Variants in STC2 observed in about 807,000 individuals in gnomAD.
The protein encoded by STC2 is stanniocalcin 2.
STC2 carries 7 observed loss-of-function variants against 22.7 expected under a neutral mutation model. The ratio of observed to expected loss-of-function variants is 0.31; its 90% CI spans 0.18 to 0.58. The LOEUF is 0.58. Among genes scored for constraint, STC2 ranks in the 20% least tolerant of loss-of-function variants. The pLI is 0.89. For missense variants in STC2, 336 were observed against 406.2 expected (o/e 0.83, Z 1.48); for synonymous variants, 158 against 163.4 (o/e 0.97, Z 0.25).
At chr5:173,322,163 A>T (rs1297937825) in intron 3 of STC2, among the ~76,000 whole-genome samples, 1 of 152,240 alleles carries the variant, frequency 6.6e-6, no homozygotes, top group Non-Finnish European at 1.5e-5. Flanking sequence ...TCATAAAATT[A>T]TACCGATTTG....
Position 173,328,184 on chromosome 5 carries a change from C to G in STC2, c.10G>C (p.Glu4Gln), listed in dbSNP as rs200255935. 4.5e-5 allele frequency: 69 copies of G among 1,546,398 alleles called. No homozygotes were observed. In the East Asian group the frequency reaches 1.6e-3, roughly 36 times the overall value. The change falls in exon 1 of 4, where the codon GAG becomes CAG. Residue 4 changes from glutamate to glutamine, a missense_variant. This residue lies in a region of STC2 where 99 missense variants were observed against 122.7 expected (regional missense o/e 0.81). Coordinates refer to ENST00000265087, the MANE Select transcript of STC2 (RefSeq NM_003714.3). MCA[E>Q]RLGQFMTLAL... ...AGGGTCATGAACTGGCCCAGCCGCT[C>G]GGCACACATGGTTCTTGGTATTAAC... is the stretch of plus-strand genomic sequence containing the variant.
rs891055424 is a variant in STC2 at position 173,315,788 on chromosome 5, C to G, written c.*2059G>C. 3 of 152,272 alleles carry G rather than the reference C, an allele frequency of 2.0e-5. No individual in the cohort carries two copies. The highest frequency in any genetic ancestry group is 2.1e-4 in the South Asian group (1 of 4,836). The allele number at this position is 152,272 out of a possible 1,614,324, so 9.4% of individuals were successfully genotyped here. A position where few individuals can be genotyped will look rare whatever the true frequency, so the allele number is the denominator to read the frequency against. On this transcript the variant is annotated 3_prime_UTR_variant, in exon 4 of 4. Coordinates refer to ENST00000265087, the MANE Select transcript of STC2 (RefSeq NM_003714.3). ...AGCCTGACACACAGGTCCTCCTCCC[C>G]CCAAGGGCAGAGCTGGATTAAGTGC...
In STC2 at chr5:173,318,064, C is replaced by T; in HGVS notation, c.692G>A (p.Arg231Lys). 1 of 1,609,436 alleles carries T rather than the reference C, an allele frequency of 6.2e-7. No individual in the cohort carries two copies. Among genetic ancestry groups the T allele is most frequent in the Non-Finnish European group, 8.5e-7 (1 of 1,177,972 alleles). ...GTGGTGGGCCCTGGAGAGCTTGGTT[C>T]TGTCCACCTGGGGCTGGCGCTCGGG... ...APPERQPQVD[R>K]TKLSRAHHGE... Residue 231 changes from arginine (R) to lysine (K), a missense_variant, in exon 4 of 4, where the codon AGA becomes AAA. Arg to Lys is a conservative substitution (Grantham distance 26, BLOSUM62 2). Transcript: ENST00000265087.
chr5:173,317,826 T>A lies in STC2; in HGVS notation c.*21A>T. ...AAAATGGACGGCGTGGAGGAAAGAT[T>A]TCGTGGCCAGGCCTTTCATTTCACC... is the stretch of plus-strand genomic sequence containing the variant. On this transcript the variant is annotated 3_prime_UTR_variant, in exon 4 of 4. Coordinates refer to ENST00000265087, the MANE Select transcript of STC2 (RefSeq NM_003714.3). 1 of 1,530,164 alleles carries A rather than the reference T, an allele frequency of 6.5e-7. No homozygotes were observed. The highest frequency in any genetic ancestry group is 8.8e-7 in the Non-Finnish European group (1 of 1,135,468). 94.8% of individuals were successfully genotyped at this position (1,530,164 alleles called of 1,614,324 possible).
rs1255019933 is a variant in STC2, at chr5:173,317,661, A to AC, written c.*185dup. The stretch of plus-strand genomic sequence containing the variant: ...GCAGAATTCACCAGGCACCCCTGAG[A>AC]CCCCACGGCCCCAGGGGTCTCCATC... On this transcript the variant is annotated 3_prime_UTR_variant, in exon 4 of 4. Transcript: ENST00000265087. The AC allele has an allele frequency of 3.0e-6, 2 of 655,910 alleles. No individual in the cohort carries two copies. The highest frequency in any genetic ancestry group is 5.9e-5 in the East Asian group (2 of 33,746). The allele number at this position is 655,910 out of a possible 1,614,324, so 40.6% of individuals were successfully genotyped here. A position where few individuals can be genotyped will look rare whatever the true frequency, so the allele number is the denominator to read the frequency against.
At position 173,315,405 on chromosome 5, in the gene STC2, G is replaced by C. The variant is rs1487269772; in HGVS notation, c.*2442C>G. 6.6e-6 allele frequency: 1 copy of C among 152,174 alleles called. No individual in the cohort carries two copies. Among genetic ancestry groups the C allele is most frequent in the Non-Finnish European group, 1.5e-5 (1 of 68,038 alleles). 9.4% of individuals were successfully genotyped at this position (152,174 alleles called of 1,614,324 possible). A position where few individuals can be genotyped will look rare whatever the true frequency, so the allele number is the denominator to read the frequency against. On this transcript the variant is annotated 3_prime_UTR_variant, in exon 4 of 4. Transcript: ENST00000265087. ...CGACTTCTGAGGAGAAAACAAAGCA[G>C]TGGCATGAAAAATATACAACAGAGA...
Position 173,316,038 on chromosome 5 carries a change from T to C in STC2, c.*1809A>G, listed in dbSNP as rs764251803. ...CAGGAACAAGTCATTTTAGAGCAGA[T>C]ACGCTTGGTTTCTTGGTGTCTGGCC... is the stretch of plus-strand genomic sequence containing the variant. On this transcript the variant is annotated 3_prime_UTR_variant, in exon 4 of 4. Transcript: ENST00000265087. 4.6e-5 allele frequency: 7 copies of C among 152,298 alleles called. No homozygotes were observed. Among genetic ancestry groups the C allele is most frequent in the African/African-American group, 7.2e-5 (3 of 41,460 alleles). The allele number at this position is 152,298 out of a possible 1,614,324, so 9.4% of individuals were successfully genotyped here.
intron 3 of STC2, among the ~76,000 whole-genome samples, chr5:173,321,236 G>A (rs982831988): frequency 6.6e-6 from 1 of 152,026 alleles, no homozygotes; most frequent in Admixed American, 6.6e-5. Context: ...TAAGGGGAGG[G>A]GGTGGGACTT....
At chr5:173,326,057 C>G (rs755589523) in intron 1 of STC2, 47 bp from the exon 2 acceptor site, 4 of 1,600,322 alleles carry the variant, frequency 2.5e-6, no homozygotes, top group Non-Finnish European at 3.4e-6. Flanking sequence ...CTAACCCATG[C>G]TGGGCAATGC....
chr5:173,317,798 A>G lies in STC2; in HGVS notation c.*49T>C, dbSNP rs1406759578. ...TAAATGTTTTGGAATGTCCATAGAT[A>G]AGAAAATGGACGGCGTGGAGGAAAG... On this transcript the variant is annotated 3_prime_UTR_variant, in exon 4 of 4. Coordinates refer to ENST00000265087, the MANE Select transcript of STC2 (RefSeq NM_003714.3). 1 of 1,513,958 alleles carries G rather than the reference A, an allele frequency of 6.6e-7. No homozygotes were observed. Among genetic ancestry groups the G allele is most frequent in the East Asian group, 2.3e-5 (1 of 43,758 alleles). The allele number at this position is 1,513,958 out of a possible 1,614,324, so 93.8% of individuals were successfully genotyped here. A position where few individuals can be genotyped will look rare whatever the true frequency, so the allele number is the denominator to read the frequency against.
At chr5:173,327,404 C>A (rs1338924517) in intron 1 of STC2, among the ~76,000 whole-genome samples, 1 of 152,230 alleles carries the variant, frequency 6.6e-6, no homozygotes, top group South Asian at 2.1e-4. Flanking sequence ...AGGAGGCGCA[C>A]GGTTCGGGTC....
At chr5:173,320,934 T>C (rs1762477226) in intron 3 of STC2, among the ~76,000 whole-genome samples, 1 of 151,422 alleles carries the variant, frequency 6.6e-6, no homozygotes, top group African/African-American at 2.4e-5. Context: ...GCAGTTCAGC[T>C]AGAAGTACAA....
At chr5:173,322,998 T>G in intron 3 of STC2, 1 of 582,272 alleles carries the variant, frequency 1.7e-6, no homozygotes, top group Non-Finnish European at 3.1e-6. Flanking sequence ...CCATTTCTGT[T>G]GCTTGTGATT....
rs1287521857 is a variant in STC2 at position 173,316,561 on chromosome 5, C to A, written c.*1286G>T. Reference sequence around the variant, plus strand: ...TTTCCTCGTATTTTTAGTTCTGTCTCTTCTCTCTGCCTTTATTTGTCCCCT... The same window carrying A: ...TTTCCTCGTATTTTTAGTTCTGTCTATTCTCTCTGCCTTTATTTGTCCCCT... On this transcript the variant is annotated 3_prime_UTR_variant, in exon 4 of 4. Coordinates refer to ENST00000265087, the MANE Select transcript of STC2 (RefSeq NM_003714.3). 6.6e-6 allele frequency: 1 copy of A among 152,098 alleles called. No individual in the cohort carries two copies. Among genetic ancestry groups the A allele is most frequent in the East Asian group, 1.9e-4 (1 of 5,174 alleles). 9.4% of individuals were successfully genotyped at this position (152,098 alleles called of 1,614,324 possible). A position where few individuals can be genotyped will look rare whatever the true frequency, so the allele number is the denominator to read the frequency against.
chr5:173,317,761 CCTCT>C lies in STC2; in HGVS notation c.*82_*85del, dbSNP rs879016804. On this transcript the variant is annotated 3_prime_UTR_variant, in exon 4 of 4. Transcript: ENST00000265087. ...ACAGAATCCTGCGTGTGACATCCCC[CCTCT>C]CTAATGGTAAATGTTTTGGAATGTC... 4.4e-5 allele frequency: 65 copies of C among 1,462,502 alleles called. 2 individuals are homozygous for C. In the South Asian group the frequency reaches 9.1e-4, roughly 21 times the overall value. 90.6% of individuals were successfully genotyped at this position (1,462,502 alleles called of 1,614,324 possible).
chr5:173,320,369 A>C (rs1762469287), intron 3 of STC2, among the ~76,000 whole-genome samples: 1 of 152,204 alleles, frequency 6.6e-6, no homozygotes, highest in Non-Finnish European at 1.5e-5. Flanking sequence ...GGAAGCTGTG[A>C]ACTGCGGGGA....
chr5:173,321,247 C>A (rs1454897412), intron 3 of STC2, among the ~76,000 whole-genome samples: 1 of 152,244 alleles, frequency 6.6e-6, no homozygotes, highest in East Asian at 1.9e-4. Context: ...GGTGGGACTT[C>A]CAACCTTCAG....
rs878941163 is a variant in STC2, at chr5:173,328,261, C to T, written c.-68G>A. 6 of 1,367,234 alleles carry T rather than the reference C, an allele frequency of 4.4e-6. No individual in the cohort carries two copies. In the South Asian group the frequency reaches 8.0e-5, roughly 18 times the overall value. The allele number at this position is 1,367,234 out of a possible 1,614,324, so 84.7% of individuals were successfully genotyped here. ...GTGCTCCCCTCTTCCTCCTCCTCCTCTTCCTCCTTCGCCGCTTCCCCTCCT... is the reference window on the plus strand; with the variant it reads ...GTGCTCCCCTCTTCCTCCTCCTCCTTTTCCTCCTTCGCCGCTTCCCCTCCT... On this transcript the variant is annotated 5_prime_UTR_variant, in exon 1 of 4. Transcript: ENST00000265087.
intron 1 of STC2, among the ~76,000 whole-genome samples, chr5:173,327,483 C>G (rs1378948349): frequency 6.6e-6 from 1 of 152,262 alleles, no homozygotes; most frequent in Non-Finnish European, 1.5e-5. Context: ...CGGAGGTACG[C>G]TTTGCGCTGC....
Sources: gnomAD v4.1 joint callset for allele counts (sites outside exome capture counted in the v4.1 genomes callset) on GRCh38, gnomAD v4.1.1 for gene constraint, gnomAD v4.1.1 regional missense constraint, MANE v1.5 for transcripts, NCBI Gene and HGNC (gene_info 2026-07-23, HGNC 2026-07-21) for gene names.